Variants in ATP9B observed in about 807,000 individuals in gnomAD.
The protein encoded by ATP9B is probable phospholipid-transporting ATPase IIB.
A neutral mutation model predicts 146.1 loss-of-function variants in ATP9B; 110 were observed. The observed-to-expected ratio is 0.75, with a 90% confidence interval of 0.65 to 0.88. The LOEUF is 0.88. ATP9B is among the 40% of genes least tolerant of loss of function. The pLI is 0.00. For synonymous variants in ATP9B, 604 were observed against 569.7 expected (o/e 1.06, Z -0.86); for missense variants, 1,499 against 1,496.4 (o/e 1.00, Z -0.03).
intron 15 of ATP9B, among the ~76,000 whole-genome samples, chr18:79,320,434 C>T (rs1163197899): frequency 6.6e-6 from 1 of 152,172 alleles, no homozygotes; most frequent in African/African-American, 2.4e-5. Context: ...TGGGGAGGGC[C>T]TGGCTGCGCG....
Position 79,320,621 on chromosome 18 carries a change from G to T in ATP9B, c.1774-8520G>T, listed in dbSNP as rs369614096. ...CTTGCTTGGACAGCTTGATTCTGAAGTTGGGAGTTGAAATGACAGGTTGTC... is the reference window on the plus strand; with the variant it reads ...CTTGCTTGGACAGCTTGATTCTGAATTTGGGAGTTGAAATGACAGGTTGTC... On this transcript the variant is annotated intron_variant, in intron 15 of 29. Coordinates refer to ENST00000426216, the MANE Select transcript of ATP9B (RefSeq NM_198531.5). Among the ~76,000 whole-genome samples the T allele has an allele frequency of 7.2e-5, 11 of 152,340 alleles. No homozygotes were observed. In the East Asian group the frequency reaches 1.9e-3, roughly 27 times the overall value.
intron 6 of ATP9B, chr18:79,144,984 G>T: frequency 4.1e-6 from 1 of 241,254 alleles, no homozygotes; most frequent in Non-Finnish European, 8.3e-6. Context: ...AGATTGTCAG[G>T]GCTGCTGGCG....
At chr18:79,334,714 A>G (rs2096811821) in intron 17 of ATP9B, among the ~76,000 whole-genome samples, 1 of 152,010 alleles carries the variant, frequency 6.6e-6, no homozygotes, top group African/African-American at 2.4e-5. Context: ...GCTCACAGCT[A>G]AGTCCTACAC....
chr18:79,289,089 T>C (rs1361893056), intron 13 of ATP9B, among the ~76,000 whole-genome samples: 1 of 152,142 alleles, frequency 6.6e-6, no homozygotes, highest in African/African-American at 2.4e-5. Context: ...GACAATTATG[T>C]GTCTTGGAGT....
intron 23 of ATP9B, among the ~76,000 whole-genome samples, chr18:79,346,178 G>A (rs950549973): frequency 2.1e-5 from 3 of 146,084 alleles, no homozygotes; most frequent in Middle Eastern, 3.8e-3. Context: ...ACATCAGCAC[G>A]TGCTCAGCGC....
intron 5 of ATP9B, among the ~76,000 whole-genome samples, chr18:79,136,670 A>G (rs989684055): frequency 6.6e-6 from 1 of 152,010 alleles, no homozygotes; most frequent in Non-Finnish European, 1.5e-5. Context: ...GCACAGTTCT[A>G]TTGCTGTGTC....
chr18:79,114,803 T>C (rs2094036990), intron 4 of ATP9B, among the ~76,000 whole-genome samples: 2 of 152,138 alleles, frequency 1.3e-5, no homozygotes, highest in Non-Finnish European at 2.9e-5. Context: ...TTAGTGTGCA[T>C]AGTGTGCATG....
At chr18:79,167,629 G>A (rs1335052628) in intron 7 of ATP9B, among the ~76,000 whole-genome samples, 4 of 152,258 alleles carry the variant, frequency 2.6e-5, no homozygotes, top group Non-Finnish European at 4.4e-5. Flanking sequence ...GCCGAAACTC[G>A]CTTTTTTTAT....
chr18:79,356,097 C>A (rs951541948), intron 25 of ATP9B, among the ~76,000 whole-genome samples: 6 of 152,212 alleles, frequency 3.9e-5, no homozygotes, highest in African/African-American at 1.2e-4. Context: ...CAGAGACGGC[C>A]ACCCTGTGTG....
At chr18:79,214,118 T>C in intron 11 of ATP9B, 80 bp downstream of exon 11, 1 of 969,150 alleles carries the variant, frequency 1.0e-6, no homozygotes, top group Non-Finnish European at 1.5e-6. Flanking sequence ...TCTGAATAGC[T>C]CATTCTTTTG....
In ATP9B at chr18:79,319,765, G is replaced by A. The variant is rs564860702; in HGVS notation, c.1774-9376G>A. Among the ~76,000 whole-genome samples the A allele has an allele frequency of 5.3e-5, 8 of 152,338 alleles. 1 individual carries two copies. The highest frequency in any genetic ancestry group is 1.7e-4 in the African/African-American group (7 of 41,578). The stretch of plus-strand genomic sequence containing the variant: ...TAAACTGATTGTAGAGGTGATGCAT[G>A]TATGTGATTCTCCATGTAAATAAAT... On this transcript the variant is annotated intron_variant, in intron 15 of 29. Coordinates refer to ENST00000426216, the MANE Select transcript of ATP9B (RefSeq NM_198531.5).
At chr18:79,200,175 G>A (rs2095455071) in intron 9 of ATP9B, among the ~76,000 whole-genome samples, 1 of 152,124 alleles carries the variant, frequency 6.6e-6, no homozygotes, top group Non-Finnish European at 1.5e-5. Context: ...CTAATGCTAT[G>A]ACATTCTGAT....
chr18:79,328,492 G>A (rs1428962588), intron 15 of ATP9B, among the ~76,000 whole-genome samples: 1 of 152,144 alleles, frequency 6.6e-6, no homozygotes, highest in African/African-American at 2.4e-5. Context: ...TGGCCTCAAA[G>A]CAATTTGGAA....
chr18:79,160,476 T>C (rs1220731585), intron 7 of ATP9B, among the ~76,000 whole-genome samples: 2 of 152,252 alleles, frequency 1.3e-5, no homozygotes, highest in Non-Finnish European at 2.9e-5. Context: ...CAAAATGCTT[T>C]AATTTGGGAG....
intron 5 of ATP9B, among the ~76,000 whole-genome samples, chr18:79,130,477 C>G (rs2094359349): frequency 1.3e-5 from 2 of 150,742 alleles, no homozygotes; most frequent in African/African-American, 4.9e-5. Context: ...TCAAGCGTAC[C>G]AAATACACAT....
At chr18:79,142,870 G>A (rs1314764497) in intron 5 of ATP9B, among the ~76,000 whole-genome samples, 1 of 152,202 alleles carries the variant, frequency 6.6e-6, no homozygotes. Context: ...TAATAAGTTG[G>A]ATATGGGTCT....
intron 21 of ATP9B, 93 bp from the exon 22 acceptor site, chr18:79,345,335 C>T (rs1297498707): frequency 6.9e-7 from 1 of 1,449,298 alleles, no homozygotes; most frequent in Non-Finnish European, 9.4e-7. Context: ...CGTCTGTTGG[C>T]TTTGCTCCCA....
chr18:79,333,312 C>T (rs2096801813), intron 17 of ATP9B, among the ~76,000 whole-genome samples: 1 of 152,204 alleles, frequency 6.6e-6, no homozygotes, highest in Admixed American at 6.5e-5. Context: ...CTGGCCTCTC[C>T]ACTGCATGTC....
At chr18:79,331,229 C>T (rs1345663724) in intron 17 of ATP9B, among the ~76,000 whole-genome samples, 1 of 152,174 alleles carries the variant, frequency 6.6e-6, no homozygotes, top group Non-Finnish European at 1.5e-5. Context: ...TCCGTGCAGC[C>T]TCCACACCCC....
Sources: allele counts gnomAD v4.1 joint callset (sites outside exome capture counted in the v4.1 genomes callset), GRCh38; gene constraint gnomAD v4.1.1; transcripts MANE v1.5; gene names NCBI Gene and HGNC (gene_info 2026-07-23, HGNC 2026-07-21).